The following OR1B1 variants were observed in gnomAD, a reference collection of about 807,000 sequenced individuals.
The protein encoded by OR1B1 is olfactory receptor family 1 subfamily B member 1.
For missense variants in OR1B1, 414 were observed against 402.1 expected (o/e 1.03, Z -0.25); for synonymous variants, 168 against 156.2 (o/e 1.08, Z -0.57).
chr9:122,632,312 T>A (rs1416870021), upstream of OR1B1, among the ~76,000 whole-genome samples: 1 of 152,110 alleles, frequency 6.6e-6, no homozygotes, highest in Non-Finnish European at 1.5e-5. Context: ...AAAAACATAT[T>A]TTTAAAGGCC....
chr9:122,639,606 A>G, the OR1B1 span: 31 of 152,058 alleles, frequency 2.0e-4, 1 homozygote, highest in South Asian at 6.0e-3. Flanking sequence ...AGATTCCTCA[A>G]CCATAAAGTG....
the OR1B1 span, among the ~76,000 whole-genome samples, chr9:122,639,108 C>A: frequency 2.0e-5 from 3 of 152,140 alleles, no homozygotes; most frequent in Admixed American, 6.6e-5. Context: ...TAATTCATAT[C>A]TACTTAGATA....
At chr9:122,629,035 A>C (rs745978236) in exon 1 of OR1B1, 1 of 1,614,042 alleles carries the variant, frequency 6.2e-7, no homozygotes, top group Non-Finnish European at 8.5e-7. Flanking sequence ...TCCAGCAAAG[A>C]GGCAGGACGA....
At chr9:122,649,279 G>T in the OR1B1 span, among the ~76,000 whole-genome samples, 1 of 152,222 alleles carries the variant, frequency 6.6e-6, no homozygotes, top group Admixed American at 6.5e-5. Flanking sequence ...TTAAAGGTAA[G>T]ACCTAAAACC....
upstream of OR1B1, among the ~76,000 whole-genome samples, chr9:122,632,296 C>CAA (rs377647204): frequency 1.4e-5 from 2 of 143,524 alleles, no homozygotes; most frequent in African/African-American, 2.6e-5. Flanking sequence ...AAGAAGTTAT[C>CAA]AAAAAAAAAA....
chr9:122,635,541 A>G, the OR1B1 span, among the ~76,000 whole-genome samples: 1 of 152,228 alleles, frequency 6.6e-6, no homozygotes. Context: ...CCACAAAAAA[A>G]TAGGTAACTA....
upstream of OR1B1, among the ~76,000 whole-genome samples, chr9:122,629,842 C>G (rs913595714): frequency 1.3e-5 from 2 of 152,068 alleles, no homozygotes; most frequent in African/African-American, 4.8e-5. Flanking sequence ...TCTTTTCATC[C>G]AACTATTTCT....
At chr9:122,648,826 C>T in the OR1B1 span, among the ~76,000 whole-genome samples, 2 of 152,102 alleles carry the variant, frequency 1.3e-5, no homozygotes, top group African/African-American at 4.8e-5. Context: ...CTATACTGCC[C>T]AAAGTAATTT....
chr9:122,647,467 A>G, the OR1B1 span, among the ~76,000 whole-genome samples: 10 of 152,186 alleles, frequency 6.6e-5, no homozygotes, highest in African/African-American at 2.2e-4. Flanking sequence ...ACTTTAAATA[A>G]ATAACCTAAT....
upstream of OR1B1, among the ~76,000 whole-genome samples, chr9:122,632,586 C>T (rs1830213739): frequency 6.6e-6 from 1 of 152,060 alleles, no homozygotes; most frequent in Admixed American, 6.5e-5. Context: ...CACCGCTTCC[C>T]CCAAGTCCCC....
At chr9:122,638,631 A>T in the OR1B1 span, among the ~76,000 whole-genome samples, 1 of 152,142 alleles carries the variant, frequency 6.6e-6, no homozygotes, top group East Asian at 1.9e-4. Context: ...ATTTGCCAAG[A>T]CCTTATGGAA....
chr9:122,631,920 C>A (rs1357976503), upstream of OR1B1, among the ~76,000 whole-genome samples: 1 of 152,020 alleles, frequency 6.6e-6, no homozygotes. Flanking sequence ...ATCTGTACCA[C>A]ATAAGAAGTG....
At position 122,629,458 on chromosome 9, in the gene OR1B1, G is replaced by A. The variant is rs753883005; in HGVS notation, c.78C>T (p.Tyr26=). ...CCAGGAACAGGAAGAAGAGGAGAGT[G>A]TAGGAGATGTTAGCTCTCGAGAACC... Residue 26 remains tyrosine, a synonymous_variant, in exon 1 of 1, where the codon TAC becomes TAT. Transcript: ENST00000623530. 18 of 1,612,750 alleles carry A rather than the reference G, an allele frequency of 1.1e-5. No homozygotes were observed. The South Asian group carries it at 2.0e-4, about 18-fold the overall frequency.
chr9:122,633,442 A>G (rs1407802973), upstream of OR1B1, among the ~76,000 whole-genome samples: 3 of 152,192 alleles, frequency 2.0e-5, no homozygotes, highest in Non-Finnish European at 2.9e-5. Flanking sequence ...AAGCAAACAT[A>G]AACAAGTGAG....
upstream of OR1B1, among the ~76,000 whole-genome samples, chr9:122,633,113 C>G (rs1830221353): frequency 6.6e-6 from 1 of 152,156 alleles, no homozygotes. Context: ...AAGTCCCTCC[C>G]TGAACACATA....
chr9:122,628,591 C>A (rs1428757993), exon 1 of OR1B1: 3 of 1,603,106 alleles, frequency 1.9e-6, no homozygotes, highest in South Asian at 2.2e-5. Flanking sequence ...AGGGGTCTAC[C>A]TTCACCCATT....
In OR1B1 at chr9:122,629,222, A is replaced by C; in HGVS notation, c.314T>G (p.Phe105Cys). The change falls in exon 1 of 1, where the codon TTC becomes TGC. Residue 105 changes from phenylalanine (F) to cysteine (C), a missense_variant. Coordinates refer to ENST00000623530, the Ensembl canonical transcript of OR1B1. ...ATCTGTAACCCCAAATGCATAGAAG[A>C]AAAAGAACTGAGCCAAGCAGCGGGC... The C allele has an allele frequency of 1.9e-6, 3 of 1,614,122 alleles. No individual in the cohort carries two copies. The South Asian group carries it at 3.3e-5, about 18-fold the overall frequency.
At chr9:122,629,506 G>A in exon 1 of OR1B1, 1 of 1,610,872 alleles carries the variant, frequency 6.2e-7, no homozygotes, top group Admixed American at 1.7e-5. Context: ...AAACCGGAGA[G>A]TGTGAAGCAT....
the OR1B1 span, among the ~76,000 whole-genome samples, chr9:122,651,136 CAT>C: frequency 2.0e-5 from 3 of 152,036 alleles, no homozygotes; most frequent in Non-Finnish European, 2.9e-5. Context: ...AAAATTAAAA[CAT>C]ATTTTATAAA....
Sources: gnomAD v4.1 joint callset for allele counts (sites outside exome capture counted in the v4.1 genomes callset) on GRCh38, gnomAD v4.1.1 for gene constraint, MANE v1.5 for transcripts, NCBI Gene and HGNC (gene_info 2026-07-23, HGNC 2026-07-21) for gene names.